NEB: variants seen among roughly 807,000 people sequenced by gnomAD.
NEB encodes nebulin, also known as nemaline myopathy type 2.
A neutral mutation model predicts 952.2 loss-of-function variants in NEB; 512 were observed. The observed-to-expected ratio is 0.54, with a 90% confidence interval of 0.50 to 0.58. The LOEUF (loss-of-function observed/expected upper bound fraction) is 0.58, where lower values mean the gene tolerates loss of function less well. NEB is among the 20% of genes least tolerant of loss of function. NEB has a pLI of 0.00. For synonymous variants in NEB, 2,900 were observed against 3,149.8 expected (o/e 0.92, Z 2.66); for missense variants, 8,428 against 9,231.1 (o/e 0.91, Z 3.56).
intron 164 of NEB, 130 bp downstream of exon 164, chr2:151,506,036 G>A (rs2068620894): frequency 8.7e-6 from 7 of 806,032 alleles, no homozygotes; most frequent in South Asian, 1.4e-5. Flanking sequence ...GTGTGGTGGT[G>A]GTACACAGGC....
intron 3 of NEB, among the ~76,000 whole-genome samples, chr2:151,730,574 G>T (rs1210469171): frequency 2.2e-5 from 3 of 135,250 alleles, no homozygotes; most frequent in Non-Finnish European, 3.1e-5. Context: ...CCAAGCACAT[G>T]AGGAAAGGGA....
chr2:151,692,636 A>AT (rs914970493), intron 20 of NEB, among the ~76,000 whole-genome samples: 82 of 152,096 alleles, frequency 5.4e-4, no homozygotes, highest in African/African-American at 1.9e-3. Context: ...TTTTTAAATA[A>AT]TTTTTTGTCT....
At position 151,679,767 on chromosome 2, in the gene NEB, G is replaced by C. The variant is rs371710158; in HGVS notation, c.3209C>G (p.Ala1070Gly). ...AGCTTTGGCAGCTCTGATGGGAATC[G>C]CATCAGTTCTCAGGTCATATCCCTT... ...SKKGYDLRTD[A>G]IPIRAAKAAR... is the part of the protein sequence containing the mutation. The change falls in exon 32 of 182, where the codon GCG (alanine) becomes GGG (glycine). Residue 1070 changes from alanine to glycine, a missense_variant. Ala to Gly is a moderately conservative substitution (Grantham distance 60). Around this residue, in one of 11 missense-constraint regions of NEB, gnomAD observed 2,851 missense variants for 2,791.5 expected, o/e 1.02. Coordinates refer to ENST00000397345, the MANE Select transcript of NEB (RefSeq NM_001164508.2). The C allele has an allele frequency of 8.1e-6, 13 of 1,608,634 alleles. No individual in the cohort carries two copies. The highest frequency in any genetic ancestry group is 1.3e-5 in the African/African-American group (1 of 74,484).
intron 161 of NEB, among the ~76,000 whole-genome samples, chr2:151,509,086 G>C (rs1575552327): frequency 6.6e-6 from 1 of 152,286 alleles, no homozygotes; most frequent in African/African-American, 2.4e-5. Flanking sequence ...AAACTATTCT[G>C]TCTGTCTCTA....
rs753976426 is a variant in NEB, at chr2:151,490,074, TAAGCTGAAAAA to T, written c.25298-8_25300del. On this transcript the variant is annotated splice_acceptor_variant and splice_polypyrimidine_tract_variant and coding_sequence_variant and intron_variant, in exon 181 of 182. Transcript: ENST00000397345. LOFTEE classifies it high-confidence loss of function. The stretch of plus-strand genomic sequence containing the variant: ...GAGCTCTGTGGTTTTTGCATGTTTG[TAAGCTGAAAAA>T]AAGGGGGCAAATTCTTTATAAGAAG... 6.2e-7 allele frequency: 1 copy of T among 1,603,404 alleles called. No homozygotes were observed. The highest frequency in any genetic ancestry group is 8.5e-7 in the Non-Finnish European group (1 of 1,175,224).
chr2:151,524,105 G>A (rs2083850283), intron 153 of NEB, among the ~76,000 whole-genome samples: 1 of 152,098 alleles, frequency 6.6e-6, no homozygotes, highest in African/African-American at 2.4e-5. Context: ...GCCCATAAAT[G>A]GTAAAGTGGA....
intron 173 of NEB, among the ~76,000 whole-genome samples, chr2:151,496,015 G>GTAAGT (rs2059945978): frequency 6.6e-6 from 1 of 152,196 alleles, no homozygotes; most frequent in Non-Finnish European, 1.5e-5. Context: ...TGGATAGAGA[G>GTAAGT]TAAGTTTGGA....
intron 3 of NEB, 112 bp downstream of exon 3, chr2:151,733,009 T>C: frequency 1.1e-6 from 1 of 907,400 alleles, no homozygotes; most frequent in South Asian, 1.8e-5. Flanking sequence ...ATGATGACTC[T>C]TTGTGAAGTT....
At chr2:151,524,210 C>G in intron 153 of NEB, 101 bp downstream of exon 153, 1 of 989,048 alleles carries the variant, frequency 1.0e-6, no homozygotes, top group South Asian at 1.5e-5. Flanking sequence ...CTATTACAGA[C>G]CCAGCATCCC....
rs1254892328 is a variant in NEB, at chr2:151,503,242, GACAC to G, written c.23835+103_23835+106del. 1.4e-5 allele frequency: 11 copies of G among 809,496 alleles called. No individual in the cohort carries two copies. In the African/African-American group the frequency reaches 1.4e-4, roughly 10 times the overall value. The allele number at this position is 809,496 out of a possible 1,614,324, so 50.1% of individuals were successfully genotyped here. On this transcript the variant is annotated intron_variant, in intron 166 of 181. Coordinates refer to ENST00000397345, the MANE Select transcript of NEB (RefSeq NM_001164508.2). ...CAGGTAATAATACACAACACACACA[GACAC>G]ACACAGAATTGCTGTTAAGATGTTA...
intron 92 of NEB, among the ~76,000 whole-genome samples, chr2:151,594,844 C>A (rs1436773391): frequency 3.7e-5 from 2 of 54,004 alleles, no homozygotes; most frequent in Non-Finnish European, 7.4e-5. Context: ...CTGAAGGAAC[C>A]TCAGGTAGGG....
At chr2:151,680,145 G>A (rs2099403467) in intron 30 of NEB, 123 bp from the exon 31 acceptor site, 3 of 727,980 alleles carry the variant, frequency 4.1e-6, no homozygotes, top group African/African-American at 1.8e-5. Context: ...CACTCTTTGT[G>A]CATTTGCATA....
intron 12 of NEB, 111 bp from the exon 13 acceptor site, chr2:151,707,108 C>CA: frequency 1.5e-6 from 1 of 674,590 alleles, no homozygotes; most frequent in Non-Finnish European, 2.5e-6. Context: ...AGAAAAATGG[C>CA]AGCTTGACAT....
At position 151,563,856 on chromosome 2, in the gene NEB, A is replaced by C; in HGVS notation, c.18546T>G (p.Val6182=). The C allele has an allele frequency of 6.2e-7, 1 of 1,613,308 alleles. No homozygotes were observed. Among genetic ancestry groups the C allele is most frequent in the Admixed American group, 1.7e-5 (1 of 59,888 alleles). The stretch of plus-strand genomic sequence containing the variant: ...TCACCAGATCAGCATGCTTGGCTCC[A>C]ACAATGGGAATGTAGCGCTCATCCA... ...YTLDERYIPI[V]GAKHADLVNS... Residue 6182 remains valine, a synonymous_variant, in exon 118 of 182, where the codon GTT becomes GTG. Coordinates refer to ENST00000397345, the MANE Select transcript of NEB (RefSeq NM_001164508.2).
In NEB at chr2:151,565,134, T is replaced by C. The variant is rs1055886459; in HGVS notation, c.18381A>G (p.Glu6127=). The change falls in exon 117 of 182, where the codon GAA becomes GAG. Residue 6127 remains glutamate, a synonymous_variant. Coordinates refer to ENST00000397345, the MANE Select transcript of NEB (RefSeq NM_001164508.2). ...ATTTGCCCTTTGCTTTATTAAATGT[T>C]TCTTTATATTTTACCTAAGGAGAGA... is the stretch of plus-strand genomic sequence containing the variant. ...SVNQSDVKYK[E]TFNKAKGKYT... is the part of the protein sequence containing the mutation. 12 of 1,556,482 alleles carry C rather than the reference T, an allele frequency of 7.7e-6. No homozygotes were observed. The African/African-American group carries it at 1.5e-4, about 19-fold the overall frequency.
Position 151,655,341 on chromosome 2 carries a change from T to C in NEB, c.6736A>G (p.Thr2246Ala), listed in dbSNP as rs1263351100. The C allele has an allele frequency of 1.2e-6, 2 of 1,600,612 alleles. No individual in the cohort carries two copies. The highest frequency in any genetic ancestry group is 4.5e-5 in the East Asian group (2 of 44,590). Reference sequence around the variant, plus strand: ...GTATCAGGCATCACATGAATCTTGGTCTTATCTTTATTCCAATCAATGGTG... The same window carrying C: ...GTATCAGGCATCACATGAATCTTGGCCTTATCTTTATTCCAATCAATGGTG... Reference protein sequence around the residue: ...LYTIDWNKDKTKIHVMPDTPD... With the variant: ...LYTIDWNKDKAKIHVMPDTPD... The change falls in exon 51 of 182, where the codon ACC becomes GCC. Residue 2246 changes from threonine to alanine, a missense_variant. Thr to Ala is a moderately conservative substitution (Grantham distance 58, BLOSUM62 0). Around this residue, in one of 11 missense-constraint regions of NEB, gnomAD observed 2,851 missense variants for 2,791.5 expected, o/e 1.02. Coordinates refer to ENST00000397345, the MANE Select transcript of NEB (RefSeq NM_001164508.2).
At chr2:151,731,301 G>C (rs941773215) in intron 3 of NEB, among the ~76,000 whole-genome samples, 1 of 152,052 alleles carries the variant, frequency 6.6e-6, no homozygotes, top group Non-Finnish European at 1.5e-5. Context: ...TTAGAGCTGT[G>C]CCACTAATTA....
Position 151,485,891 on chromosome 2 carries a change from C to A in NEB, c.25447G>T (p.Asp8483Tyr), listed in dbSNP as rs993833092. ...TCTCCATCCTTGAAGGACACCTCAT[C>A]TGCATCAGCAGCCATATAGTCATAC... ...AMYDYMAADA[D>Y]EVSFKDGDAI... Residue 8483 changes from aspartate to tyrosine, a missense_variant, in exon 182 of 182, where the codon GAT (aspartate) becomes TAT (tyrosine). This residue lies in a region of NEB where 3,374 missense variants were observed against 3,651.5 expected (regional missense o/e 0.92). Coordinates refer to ENST00000397345, the MANE Select transcript of NEB (RefSeq NM_001164508.2). 1.9e-6 allele frequency: 3 copies of A among 1,613,956 alleles called. No individual in the cohort carries two copies. Among genetic ancestry groups the A allele is most frequent in the Middle Eastern group, 1.7e-4 (1 of 6,060 alleles).
At chr2:151,627,339 G>T in intron 69 of NEB, 134 bp from the exon 70 acceptor site, 1 of 1,359,928 alleles carries the variant, frequency 7.4e-7, no homozygotes, top group Non-Finnish European at 9.9e-7. Context: ...AGGCCAAATT[G>T]AATACAGTCT....
Sources: allele counts gnomAD v4.1 joint callset (sites outside exome capture counted in the v4.1 genomes callset), GRCh38; gene constraint gnomAD v4.1.1; regional missense constraint gnomAD v4.1.1; transcripts MANE v1.5; gene names NCBI Gene and HGNC (gene_info 2026-07-23, HGNC 2026-07-21).